PPP1R14C: variants seen among roughly 807,000 people sequenced by gnomAD.
The protein encoded by PPP1R14C is protein phosphatase 1 regulatory subunit 14C.
Under a neutral mutation model 20.4 loss-of-function variants are expected in PPP1R14C, and 16 were observed. The observed-to-expected ratio is 0.78, with a 90% CI of 0.53 to 1.19. The LOEUF (loss-of-function observed/expected upper bound fraction) is 1.19, where lower values mean the gene tolerates loss of function less well. Among genes scored for constraint, PPP1R14C ranks in the 50% most tolerant of loss-of-function variants. The pLI is 0.00. For missense variants in PPP1R14C, 211 were observed against 220.1 expected (o/e 0.96, Z 0.26); for synonymous variants, 91 against 91.0 (o/e 1.00, Z 0.00).
At chr6:150,246,668 A>C (rs908990384) in intron 3 of PPP1R14C, among the ~76,000 whole-genome samples, 2 of 152,232 alleles carry the variant, frequency 1.3e-5, no homozygotes, top group African/African-American at 4.8e-5. Flanking sequence ...CTCCAAAGGG[A>C]ATAATCCAAG....
chr6:150,220,952 A>G (rs1778160176), intron 3 of PPP1R14C, among the ~76,000 whole-genome samples: 1 of 152,238 alleles, frequency 6.6e-6, no homozygotes, highest in South Asian at 2.1e-4. Context: ...GAGTTCCAAA[A>G]GCAGAAAAAG....
At chr6:150,189,384 G>C (rs1207270648) in intron 1 of PPP1R14C, among the ~76,000 whole-genome samples, 1 of 152,088 alleles carries the variant, frequency 6.6e-6, no homozygotes, top group South Asian at 2.1e-4. Flanking sequence ...CCCCAGACAG[G>C]GATCATAATG....
At chr6:150,193,763 C>T (rs9371811) in intron 1 of PPP1R14C, among the ~76,000 whole-genome samples, 6,739 of 152,188 alleles carry the variant, frequency 0.044, 314 homozygotes, top group East Asian at 0.12. Flanking sequence ...AAAGCTCATT[C>T]CCCATTTCCT....
chr6:150,170,540 T>C (rs1777485717), intron 1 of PPP1R14C, among the ~76,000 whole-genome samples: 1 of 152,068 alleles, frequency 6.6e-6, no homozygotes, highest in Non-Finnish European at 1.5e-5. Context: ...GCCAGGATGG[T>C]CTTGATCTCC....
chr6:150,219,750 C>T (rs1292158039), intron 3 of PPP1R14C, among the ~76,000 whole-genome samples: 1 of 152,054 alleles, frequency 6.6e-6, no homozygotes, highest in Non-Finnish European at 1.5e-5. Context: ...CTGAATCTTA[C>T]CTTTTTCTGC....
At chr6:150,195,777 G>A (rs1025591129) in intron 1 of PPP1R14C, 4 of 947,198 alleles carry the variant, frequency 4.2e-6, no homozygotes, top group African/African-American at 1.8e-5. Flanking sequence ...TTCATCTCCC[G>A]AACTTTCTCA....
intron 1 of PPP1R14C, among the ~76,000 whole-genome samples, chr6:150,191,292 A>T (rs1319555735): frequency 6.6e-6 from 1 of 152,188 alleles, no homozygotes; most frequent in Non-Finnish European, 1.5e-5. Flanking sequence ...TCCTGCTAAC[A>T]TTATTTTGCA....
intron 1 of PPP1R14C, among the ~76,000 whole-genome samples, chr6:150,191,313 C>G (rs947207782): frequency 6.6e-6 from 1 of 152,230 alleles, no homozygotes; most frequent in African/African-American, 2.4e-5. Flanking sequence ...CATCTAAAAG[C>G]TAGGAGTGCA....
chr6:150,195,499 C>T (rs369508328), intron 1 of PPP1R14C, among the ~76,000 whole-genome samples: 1 of 152,170 alleles, frequency 6.6e-6, no homozygotes, highest in Non-Finnish European at 1.5e-5. Flanking sequence ...AGGCACCCAC[C>T]ACCATGCCTG....
At chr6:150,244,486 C>T (rs570207844) in intron 3 of PPP1R14C, among the ~76,000 whole-genome samples, 1 of 152,310 alleles carries the variant, frequency 6.6e-6, no homozygotes, top group Non-Finnish European at 1.5e-5. Context: ...CTCTACTCAG[C>T]TCCAACGTTA....
chr6:150,197,289 G>A (rs1473098389), intron 1 of PPP1R14C, among the ~76,000 whole-genome samples: 1 of 152,242 alleles, frequency 6.6e-6, no homozygotes, highest in Non-Finnish European at 1.5e-5. Flanking sequence ...ACCTGCCACA[G>A]GTCCAATTCA....
intron 3 of PPP1R14C, among the ~76,000 whole-genome samples, chr6:150,243,736 C>A (rs969035099): frequency 6.6e-6 from 1 of 152,130 alleles, no homozygotes; most frequent in African/African-American, 2.4e-5. Context: ...TTTTAAACAA[C>A]TTTATTTATA....
chr6:150,226,040 G>A (rs1047655899), intron 3 of PPP1R14C, among the ~76,000 whole-genome samples: 6 of 152,122 alleles, frequency 3.9e-5, no homozygotes, highest in African/African-American at 1.4e-4. Context: ...TCCTATATGG[G>A]CCACTGGCCA....
intron 1 of PPP1R14C, among the ~76,000 whole-genome samples, chr6:150,144,459 A>C (rs1222528655): frequency 6.6e-6 from 1 of 152,262 alleles, no homozygotes; most frequent in African/African-American, 2.4e-5. Flanking sequence ...ATTCTAAATG[A>C]AGTGACCTCC....
chr6:150,155,764 C>A (rs1330399739), intron 1 of PPP1R14C, among the ~76,000 whole-genome samples: 1 of 152,014 alleles, frequency 6.6e-6, no homozygotes, highest in African/African-American at 2.4e-5. Context: ...GTGGCTCACA[C>A]CTGTAATCCC....
At chr6:150,241,588 T>C (rs1357754805) in intron 3 of PPP1R14C, among the ~76,000 whole-genome samples, 1 of 152,018 alleles carries the variant, frequency 6.6e-6, no homozygotes, top group Non-Finnish European at 1.5e-5. Context: ...CAGCTCCAGG[T>C]AAATAGTGTC....
At position 150,180,482 on chromosome 6, in the gene PPP1R14C, G is replaced by T. The variant is rs114963374; in HGVS notation, c.307-34262G>T. Among the ~76,000 whole-genome samples the T allele has an allele frequency of 7.0e-3, 1,063 of 152,282 alleles. 8 individuals carry two copies. Among genetic ancestry groups the T allele is most frequent in the African/African-American group, 0.024 (986 of 41,542 alleles). On this transcript the variant is annotated intron_variant, in intron 1 of 3. Transcript: ENST00000361131. ...TACGTGGCAGGGCTTGGGGAAAGTAGTTTAATGAAATCTAAGCACTGTAAG... is the reference window on the plus strand; with the variant it reads ...TACGTGGCAGGGCTTGGGGAAAGTATTTTAATGAAATCTAAGCACTGTAAG...
chr6:150,149,297 ATATG>A (rs941286956), intron 1 of PPP1R14C, among the ~76,000 whole-genome samples: 12 of 106,684 alleles, frequency 1.1e-4, no homozygotes, highest in Middle Eastern at 4.1e-3. Context: ...TTCTCCATAC[ATATG>A]TGTGTGTGTG....
Position 150,185,282 on chromosome 6 carries a change from C to G in PPP1R14C, c.307-29462C>G, listed in dbSNP as rs1777664323. 6.6e-6 allele frequency among the ~76,000 whole-genome samples: 1 copy of G among 152,128 alleles called. No individual in the cohort carries two copies. Among genetic ancestry groups the G allele is most frequent in the South Asian group, 2.1e-4 (1 of 4,824 alleles). On this transcript the variant is annotated intron_variant, in intron 1 of 3. Coordinates refer to ENST00000361131, the MANE Select transcript of PPP1R14C (RefSeq NM_030949.3). This position sits in a 1 kb window ranked among gnomAD's most constrained non-coding sequence, Gnocchi z 4.1. ...GAAGGGGTTAAATGCAGGTGAAACC[C>G]TTAGAGAAGTGCCTAGCAGTAGTCA...
Sources: allele counts gnomAD v4.1 joint callset (sites outside exome capture counted in the v4.1 genomes callset), GRCh38; gene constraint gnomAD v4.1.1; non-coding constraint Gnocchi (gnomAD v3.1); transcripts MANE v1.5; gene names NCBI Gene and HGNC (gene_info 2026-07-23, HGNC 2026-07-21).